IQSEC1: variants seen among roughly 807,000 people sequenced by gnomAD.
IQSEC1 encodes the protein IQ motif and Sec7 domain ArfGEF 1.
Under a neutral mutation model 91.0 loss-of-function variants are expected in IQSEC1, and 31 were observed. The ratio of observed to expected loss-of-function variants is 0.34; its 90% CI spans 0.26 to 0.46. IQSEC1 has a LOEUF of 0.46. IQSEC1 is among the 20% of genes least tolerant of loss of function. The pLI, the probability that IQSEC1 is intolerant of heterozygous loss-of-function variation, is 1.00. For missense variants in IQSEC1, 1,388 were observed against 1,575.6 expected (o/e 0.88, Z 2.02); for synonymous variants, 699 against 662.6 (o/e 1.05, Z -0.84).
intron 1 of IQSEC1, among the ~76,000 whole-genome samples, chr3:13,012,877 C>T (rs1398712724): frequency 1.3e-5 from 2 of 151,666 alleles, no homozygotes; most frequent in African/African-American, 4.9e-5. Flanking sequence ...CCTCACTGAC[C>T]AAGTGAAGCT....
intron 1 of IQSEC1, among the ~76,000 whole-genome samples, chr3:12,977,128 C>G (rs1475258789): frequency 6.6e-6 from 1 of 152,160 alleles, no homozygotes; most frequent in Non-Finnish European, 1.5e-5. Flanking sequence ...AGGCAGATTG[C>G]TTGAGCTCAG....
intron 6 of IQSEC1, 41 bp from the exon 7 acceptor site, chr3:12,915,774 G>A: frequency 6.2e-7 from 1 of 1,602,458 alleles, no homozygotes; most frequent in Non-Finnish European, 8.5e-7. Context: ...TGGGCCCCAG[G>A]CTCACTCGAT....
chr3:13,093,691 C>A (rs963219594), intron 2 of IQSEC1, among the ~76,000 whole-genome samples: 1 of 152,146 alleles, frequency 6.6e-6, no homozygotes, highest in Non-Finnish European at 1.5e-5. Flanking sequence ...TACAGCCTGG[C>A]GGCAGGATCA....
intron 1 of IQSEC1, among the ~76,000 whole-genome samples, chr3:13,255,963 C>T (rs550138804): frequency 1.3e-5 from 2 of 152,202 alleles, no homozygotes; most frequent in Admixed American, 6.5e-5. Flanking sequence ...GGGGAGGGGG[C>T]GTTACTGGAC....
At chr3:12,928,942 A>G (rs945696234) in intron 3 of IQSEC1, among the ~76,000 whole-genome samples, 1 of 152,088 alleles carries the variant, frequency 6.6e-6, no homozygotes, top group South Asian at 2.1e-4. Flanking sequence ...ACAAACATTT[A>G]TTGGGCACCT....
intron 1 of IQSEC1, among the ~76,000 whole-genome samples, chr3:13,189,774 C>T (rs775608398): frequency 6.6e-6 from 1 of 152,206 alleles, no homozygotes; most frequent in Non-Finnish European, 1.5e-5. Flanking sequence ...CCAGGTCCTC[C>T]TGTTCCCCCA....
At chr3:13,136,909 G>A (rs971690093) in intron 2 of IQSEC1, among the ~76,000 whole-genome samples, 2 of 152,190 alleles carry the variant, frequency 1.3e-5, no homozygotes, top group African/African-American at 4.8e-5. Context: ...GGCCAAAGTA[G>A]GAGGAACACT....
intron 2 of IQSEC1, among the ~76,000 whole-genome samples, chr3:13,125,676 A>G (rs1706501248): frequency 1.3e-5 from 2 of 152,232 alleles, no homozygotes; most frequent in Admixed American, 6.5e-5. Context: ...ATGAGATAAC[A>G]GCATCATCCA....
rs138227204 is a variant in IQSEC1, at chr3:13,069,753, G to A, written c.23+3239C>T. On this transcript the variant is annotated intron_variant, in intron 1 of 13. Transcript: ENST00000613206. ...TGTGACATGCCCATGAGGACAGAGG[G>A]GCCCCTTGCAGAGATGATGAAAAGG... is the stretch of plus-strand genomic sequence containing the variant. 1.9e-4 allele frequency among the ~76,000 whole-genome samples: 29 copies of A among 152,268 alleles called. No homozygotes were observed. The East Asian group carries it at 5.2e-3, about 27-fold the overall frequency.
chr3:13,202,785 T>C (rs1694267475), intron 1 of IQSEC1, among the ~76,000 whole-genome samples: 1 of 152,228 alleles, frequency 6.6e-6, no homozygotes, highest in Non-Finnish European at 1.5e-5. Context: ...GTCAATTTTA[T>C]GTTATCTGCA....
chr3:12,957,808 A>C (rs917100501), intron 1 of IQSEC1, among the ~76,000 whole-genome samples: 7 of 152,260 alleles, frequency 4.6e-5, no homozygotes, highest in African/African-American at 1.4e-4. Flanking sequence ...CAACACAGGC[A>C]CAGCCACTAT....
intron 1 of IQSEC1, among the ~76,000 whole-genome samples, chr3:13,273,518 CCT>C (rs1695622996): frequency 2.0e-5 from 3 of 152,348 alleles, no homozygotes; most frequent in African/African-American, 7.2e-5. Context: ...TGGTTCCACT[CCT>C]CTCTCTCCTT....
chr3:13,268,897 C>T (rs1025143017), intron 1 of IQSEC1, among the ~76,000 whole-genome samples: 3 of 152,200 alleles, frequency 2.0e-5, no homozygotes, highest in African/African-American at 4.8e-5. Flanking sequence ...GGTAACAAGA[C>T]AGGAAGCCTG....
intron 1 of IQSEC1, among the ~76,000 whole-genome samples, chr3:13,004,806 G>A (rs1167508573): frequency 6.6e-6 from 1 of 152,022 alleles, no homozygotes; most frequent in Non-Finnish European, 1.5e-5. Context: ...ACCCAGCATC[G>A]GGCCAGCCAC....
intron 1 of IQSEC1, among the ~76,000 whole-genome samples, chr3:12,982,784 G>A (rs1027211399): frequency 1.3e-5 from 2 of 152,238 alleles, no homozygotes; most frequent in African/African-American, 4.8e-5. Context: ...CCTGCCTGTG[G>A]TGGGGCTGTT....
At chr3:13,231,874 G>A (rs893717313) in intron 1 of IQSEC1, among the ~76,000 whole-genome samples, 3 of 152,180 alleles carry the variant, frequency 2.0e-5, no homozygotes, top group Non-Finnish European at 4.4e-5. Flanking sequence ...CACCCCCTTT[G>A]GCGATGCCGT....
rs1022221703 is a variant in IQSEC1 at position 12,898,598 on chromosome 3, C to T, written c.*2385G>A. ...TCTGTTCCTATTCATTACTGCTACC[C>T]TTCAGAAAGAGCAATTCTGTGCCAA... On this transcript the variant is annotated 3_prime_UTR_variant, in exon 14 of 14. Coordinates refer to ENST00000613206, the MANE Select transcript of IQSEC1 (RefSeq NM_001134382.3). 2.6e-5 allele frequency: 4 copies of T among 152,192 alleles called. No individual in the cohort carries two copies. The highest frequency in any genetic ancestry group is 7.2e-5 in the African/African-American group (3 of 41,440). 9.4% of individuals were successfully genotyped at this position (152,192 alleles called of 1,614,324 possible).
Position 12,908,487 on chromosome 3 carries a change from T to C in IQSEC1, c.2617A>G (p.Met873Val), listed in dbSNP as rs1272965401. ...EKQKGVVRPS[M>V]SQCSSLKKES... is the part of the protein sequence containing the mutation. Reference sequence around the variant, plus strand: ...TTTTTGAGGCTAGAGCACTGGGACATGCTGGGCCGCACGACGCCTTTCTGC... The same window carrying C: ...TTTTTGAGGCTAGAGCACTGGGACACGCTGGGCCGCACGACGCCTTTCTGC... Residue 873 changes from methionine to valine, a missense_variant, in exon 12 of 14, where the codon ATG becomes GTG. By Grantham distance (21) the Met-to-Val change is conservative. Coordinates refer to ENST00000613206, the MANE Select transcript of IQSEC1 (RefSeq NM_001134382.3). The surrounding 1 kb of genome is among the most constrained non-coding windows in gnomAD (Gnocchi z 4.9). 6.8e-6 allele frequency: 11 copies of C among 1,613,518 alleles called. No individual in the cohort carries two copies. Among genetic ancestry groups the C allele is most frequent in the Middle Eastern group, 1.6e-4 (1 of 6,078 alleles).
intron 13 of IQSEC1, 104 bp downstream of exon 13, chr3:12,902,669 C>CAAAAA: frequency 6.1e-6 from 2 of 328,154 alleles, no homozygotes; most frequent in Non-Finnish European, 1.0e-5. Context: ...AAAAAAAAAA[C>CAAAAA]CAAAAAAAAA....
Sources: gnomAD v4.1 joint callset for allele counts (sites outside exome capture counted in the v4.1 genomes callset) on GRCh38, gnomAD v4.1.1 for gene constraint, Gnocchi (gnomAD v3.1) non-coding constraint, MANE v1.5 for transcripts, NCBI Gene and HGNC (gene_info 2026-07-23, HGNC 2026-07-21) for gene names.